The following DBF4B variants were observed in gnomAD, a reference collection of about 807,000 sequenced individuals.
DBF4B encodes DBF4B-CDC7 kinase regulatory subunit.
A neutral mutation model predicts 53.4 loss-of-function variants in DBF4B; 49 were observed. The observed-to-expected ratio is 0.92, with a 90% CI of 0.73 to 1.16. DBF4B has a LOEUF of 1.16. Ranked by LOEUF, DBF4B falls within the 50% of genes most tolerant of loss-of-function variation. The probability of loss-of-function intolerance (pLI) is 0.00; values close to 1 mark genes in which losing one functional copy is unlikely to be tolerated. For synonymous variants in DBF4B, 257 were observed against 288.7 expected (o/e 0.89, Z 1.11); for missense variants, 692 against 775.0 (o/e 0.89, Z 1.27).
Position 44,751,075 on chromosome 17 carries a change from G to A in DBF4B, c.1670G>A (p.Arg557Gln), listed in dbSNP as rs771488977. Residue 557 changes from arginine (R) to glutamine (Q), a missense_variant, in exon 14 of 14, where the codon CGG (arginine) becomes CAG (glutamine). By Grantham distance (43) the Arg-to-Gln change is conservative (BLOSUM62 1). Transcript: ENST00000315005. ...LLTQSLWCRV[R>Q]VPSLSTAGPI... Reference sequence around the variant, plus strand: ...ACACAAAGCCTGTGGTGCCGGGTTCGGGTGCCCTCATTGTCAACTGCAGGA... The same window carrying A: ...ACACAAAGCCTGTGGTGCCGGGTTCAGGTGCCCTCATTGTCAACTGCAGGA... 21 of 1,613,890 alleles carry A rather than the reference G, an allele frequency of 1.3e-5. No individual in the cohort carries two copies. Among genetic ancestry groups the A allele is most frequent in the Admixed American group, 3.3e-5 (2 of 59,972 alleles).
intron 2 of DBF4B, among the ~76,000 whole-genome samples, chr17:44,716,900 C>T (rs1034417426): frequency 2.0e-5 from 3 of 152,162 alleles, no homozygotes; most frequent in Admixed American, 6.5e-5. Context: ...CTCTTATCTC[C>T]TGTCTGTTTT....
At chr17:44,733,398 C>G (rs1351091827) in intron 6 of DBF4B, among the ~76,000 whole-genome samples, 2 of 152,186 alleles carry the variant, frequency 1.3e-5, no homozygotes, top group Non-Finnish European at 2.9e-5. Flanking sequence ...TGTAAACAAC[C>G]TGTTTGCAGC....
At chr17:44,743,778 T>G (rs939709273) in intron 10 of DBF4B, among the ~76,000 whole-genome samples, 3 of 151,710 alleles carry the variant, frequency 2.0e-5, no homozygotes, top group African/African-American at 7.3e-5. Flanking sequence ...CCCGGCTAAT[T>G]GTTTGTGTTT....
At chr17:44,711,496 T>C (rs548202871) in intron 2 of DBF4B, among the ~76,000 whole-genome samples, 1 of 152,196 alleles carries the variant, frequency 6.6e-6, no homozygotes, top group Admixed American at 6.6e-5. Context: ...CACACCTGGC[T>C]TCCTGTTTGA....
chr17:44,740,563 G>A (rs1012655725), intron 9 of DBF4B, among the ~76,000 whole-genome samples: 11 of 152,128 alleles, frequency 7.2e-5, no homozygotes, highest in African/African-American at 2.2e-4. Context: ...CACAGAACAG[G>A]GAAATAACTG....
intron 3 of DBF4B, among the ~76,000 whole-genome samples, chr17:44,729,384 A>T (rs974987557): frequency 9.9e-5 from 15 of 151,502 alleles, no homozygotes; most frequent in East Asian, 9.7e-4. Flanking sequence ...AAAAAAAAAA[A>T]TTTTAGAGAC....
rs186544350 is a variant in DBF4B at position 44,747,383 on chromosome 17, G to C, written c.940-8G>C. The C allele has an allele frequency of 6.2e-7, 1 of 1,612,818 alleles. No homozygotes were observed. Among genetic ancestry groups the C allele is most frequent in the African/African-American group, 1.3e-5 (1 of 74,708 alleles). ...CTAATGCCCTGTGCTCCTCTCCCCC[G>C]CCGGCAGCATCTTCAGAGTGCCCAG... On this transcript the variant is annotated splice_polypyrimidine_tract_variant and splice_region_variant and intron_variant, in intron 11 of 13. Coordinates refer to ENST00000315005, the MANE Select transcript of DBF4B (RefSeq NM_145663.3).
Position 44,736,840 on chromosome 17 carries a change from C to T in DBF4B, c.641C>T (p.Pro214Leu), listed in dbSNP as rs201131404. The part of the protein sequence containing the change: ...QQPKKPEGTC[P>L]AAESRTRKVA... ...TTCCTTTCCATTTAGGGAACATGTCCAGCAGCAGAGTCAAGAACACGGAAA... is the reference window on the plus strand; with the variant it reads ...TTCCTTTCCATTTAGGGAACATGTCTAGCAGCAGAGTCAAGAACACGGAAA... Residue 214 changes from proline (P) to leucine (L), a missense_variant, in exon 8 of 14, where the codon CCA becomes CTA. Coordinates refer to ENST00000315005, the MANE Select transcript of DBF4B (RefSeq NM_145663.3). The T allele has an allele frequency of 1.9e-6, 3 of 1,614,062 alleles. No individual in the cohort carries two copies. The highest frequency in any genetic ancestry group is 1.7e-5 in the Admixed American group (1 of 59,986).
Position 44,750,716 on chromosome 17 carries a change from CTCCAGGGAGCAGGG to C in DBF4B, c.1312_1325del (p.Ser438LeufsTer49). On this transcript the variant is annotated frameshift_variant, in exon 14 of 14. Transcript: ENST00000315005. LOFTEE classifies it low-confidence loss of function (END_TRUNC). ...CCCTCCTGCCGGCCTTGCCCAAGGG[CTCCAGGGAGCAGGG>C]CTGCCTCTGTCCCTGCCCAGCCTCC... The C allele has an allele frequency of 1.2e-6, 2 of 1,614,132 alleles. No individual in the cohort carries two copies. The highest frequency in any genetic ancestry group is 1.7e-6 in the Non-Finnish European group (2 of 1,180,034).
Position 44,750,937 on chromosome 17 carries a change from G to C in DBF4B, c.1532G>C (p.Arg511Pro), listed in dbSNP as rs138878474. The C allele has an allele frequency of 3.5e-5, 57 of 1,613,998 alleles. No homozygotes were observed. The Admixed American group carries it at 9.2e-4, about 26-fold the overall frequency. The change falls in exon 14 of 14, where the codon CGT becomes CCT. Residue 511 changes from arginine (R) to proline (P), a missense_variant. Coordinates refer to ENST00000315005, the MANE Select transcript of DBF4B (RefSeq NM_145663.3). Reference sequence around the variant, plus strand: ...CTTATGTCTGCACGCTGCTGGGTTCGTCCCTTTCCTTTTGTGACATGGGGT... The same window carrying C: ...CTTATGTCTGCACGCTGCTGGGTTCCTCCCTTTCCTTTTGTGACATGGGGT... ...PWLMSARCWV[R>P]PFPFVTWGCL... is the part of the protein sequence containing the mutation.
At position 44,715,812 on chromosome 17, in the gene DBF4B, C is replaced by CTTTTTTTTTTTTTTTTTTT. The variant is rs869200833; in HGVS notation, c.82+6456_82+6474dup. ...GTTAGCCTAATTTCTTTCTTTCTTTCTTTTTTTTTTTTTTTTTTTTTTTTT... is the reference window on the plus strand; with the variant it reads ...GTTAGCCTAATTTCTTTCTTTCTTTCTTTTTTTTTTTTTTTTTTTTTTTTTTTTTTTTTTTTTTTTTTTT... On this transcript the variant is annotated intron_variant, in intron 2 of 13. Transcript: ENST00000315005. Among the ~76,000 whole-genome samples the CTTTTTTTTTTTTTTTTTTT allele has an allele frequency of 1.0e-3, 58 of 55,538 alleles. 8 individuals carry two copies. Among genetic ancestry groups the CTTTTTTTTTTTTTTTTTTT allele is most frequent in the East Asian group, 2.8e-3 (6 of 2,172 alleles). 36.4% of individuals were successfully genotyped at this position (55,538 alleles called of 152,430 possible). A position where few individuals can be genotyped will look rare whatever the true frequency, so the allele number is the denominator to read the frequency against.
chr17:44,737,328 TC>T, intron 8 of DBF4B, among the ~76,000 whole-genome samples: 1 of 152,288 alleles, frequency 6.6e-6, no homozygotes, highest in Non-Finnish European at 1.5e-5. Context: ...TGGATGTTTC[TC>T]CCAAAGATGC....
chr17:44,735,097 C>CA (rs1358330298), intron 7 of DBF4B, among the ~76,000 whole-genome samples: 2 of 151,930 alleles, frequency 1.3e-5, no homozygotes, highest in African/African-American at 4.8e-5. Flanking sequence ...AATTCTGTCT[C>CA]AAAAAAACAT....
chr17:44,751,343 C>A lies in DBF4B; in HGVS notation c.*90C>A. 2 of 1,497,182 alleles carry A rather than the reference C, an allele frequency of 1.3e-6. No homozygotes were observed. Among genetic ancestry groups the A allele is most frequent in the East Asian group, 2.3e-5 (1 of 42,666 alleles). 92.7% of individuals were successfully genotyped at this position (1,497,182 alleles called of 1,614,324 possible). A position where few individuals can be genotyped will look rare whatever the true frequency, so the allele number is the denominator to read the frequency against. ...TCCCGCAGTGGCTCCTTGGCGTGAG[C>A]ACTGCTCAGACTCCTTTCCACTCCA... On this transcript the variant is annotated 3_prime_UTR_variant, in exon 14 of 14. Coordinates refer to ENST00000315005, the MANE Select transcript of DBF4B (RefSeq NM_145663.3).
chr17:44,749,818 C>T lies in DBF4B; in HGVS notation c.1190-777C>T, dbSNP rs573529441. 71 of 1,039,544 alleles carry T rather than the reference C, an allele frequency of 6.8e-5. No individual in the cohort carries two copies. The highest frequency in any genetic ancestry group is 7.5e-5 in the Non-Finnish European group (65 of 862,162). 64.4% of individuals were successfully genotyped at this position (1,039,544 alleles called of 1,614,324 possible). A position where few individuals can be genotyped will look rare whatever the true frequency, so the allele number is the denominator to read the frequency against. ...GCTGTTGGTGTGCTCCACCCCCAAC[C>T]CCGGCCTCCTTTCTCACGAGCATGT... On this transcript the variant is annotated intron_variant, in intron 13 of 13. Transcript: ENST00000315005. This position sits in a 1 kb window ranked among gnomAD's most constrained non-coding sequence, Gnocchi z 4.4.
intron 2 of DBF4B, among the ~76,000 whole-genome samples, chr17:44,722,676 T>G (rs1228918775): frequency 6.6e-6 from 1 of 152,234 alleles, no homozygotes; most frequent in Non-Finnish European, 1.5e-5. Flanking sequence ...CAAGCCTTGT[T>G]TGCTTATTAT....
chr17:44,736,538 C>T (rs554733297), intron 7 of DBF4B, among the ~76,000 whole-genome samples: 62 of 152,326 alleles, frequency 4.1e-4, no homozygotes, highest in African/African-American at 1.4e-3. Flanking sequence ...AAGTACCCAC[C>T]AGGCCTCTGG....
chr17:44,751,907 C>G lies in DBF4B; in HGVS notation c.*654C>G. 6.5e-7 allele frequency: 1 copy of G among 1,536,160 alleles called. No individual in the cohort carries two copies. Among genetic ancestry groups the G allele is most frequent in the Non-Finnish European group, 8.7e-7 (1 of 1,146,876 alleles). On this transcript the variant is annotated 3_prime_UTR_variant, in exon 14 of 14. Coordinates refer to ENST00000315005, the MANE Select transcript of DBF4B (RefSeq NM_145663.3). ...GTTCTCCTGTCCCCCTGCCCTTCCT[C>G]ACCATTGCCCATTCCCTCGTTCGTT...
At chr17:44,722,464 G>A (rs1973935957) in intron 2 of DBF4B, among the ~76,000 whole-genome samples, 1 of 152,174 alleles carries the variant, frequency 6.6e-6, no homozygotes, top group Non-Finnish European at 1.5e-5. Flanking sequence ...GCTGGGCACT[G>A]GCAACAGGGC....
Sources: allele counts gnomAD v4.1 joint callset (sites outside exome capture counted in the v4.1 genomes callset), GRCh38; gene constraint gnomAD v4.1.1; non-coding constraint Gnocchi (gnomAD v3.1); transcripts MANE v1.5; gene names NCBI Gene and HGNC (gene_info 2026-07-23, HGNC 2026-07-21).